The following POU6F2 variants were observed in gnomAD, a reference collection of about 807,000 sequenced individuals.
POU6F2 encodes the protein POU domain, class 6, transcription factor 2.
Under a neutral mutation model 71.3 loss-of-function variants are expected in POU6F2, and 31 were observed. The observed-to-expected ratio is 0.43, with a 90% CI of 0.33 to 0.59. The LOEUF is 0.59. Ranked by LOEUF, POU6F2 falls within the 20% of genes least tolerant of loss-of-function variation. The probability of loss-of-function intolerance (pLI) is 0.04; values close to 1 mark genes in which losing one functional copy is unlikely to be tolerated. For missense variants in POU6F2, 783 were observed against 856.8 expected, an observed-to-expected ratio of 0.91 and a Z score of 1.07; for synonymous variants, 347 against 355.7, an observed-to-expected ratio of 0.98 and a Z score of 0.27.
chr7:39,218,877 C>T (rs1417325708), intron 4 of POU6F2, among the ~76,000 whole-genome samples: 1 of 152,056 alleles, frequency 6.6e-6, no homozygotes, highest in African/African-American at 2.4e-5. Flanking sequence ...GTTAGTAATA[C>T]CTAGATCTAG....
Position 39,344,889 on chromosome 7 carries a change from T to C in POU6F2, c.972+4874T>C, listed in dbSNP as rs537725804. Among the ~76,000 whole-genome samples, 5 of 152,176 alleles carry C rather than the reference T, an allele frequency of 3.3e-5. No individual in the cohort carries two copies. In the South Asian group the frequency reaches 1.0e-3, roughly 32 times the overall value. ...CTACTGTAAATATAGAACTCAGACA[T>C]CTCTCTACCTACACAGGGCTAAATC... On this transcript the variant is annotated intron_variant, in intron 5 of 9. Coordinates refer to ENST00000518318, the MANE Select transcript of POU6F2 (RefSeq NM_001370959.1).
At position 39,322,225 on chromosome 7, in the gene POU6F2, G is replaced by A. The variant is rs184551966; in HGVS notation, c.599-17417G>A. On this transcript the variant is annotated intron_variant, in intron 4 of 9. Transcript: ENST00000518318. ...AATTGCAGATGGCCAGGAGTGGAGC[G>A]TGACCAGGGGAAGAGAAGTGAGTAA... 5.9e-5 allele frequency among the ~76,000 whole-genome samples: 9 copies of A among 152,288 alleles called. No homozygotes were observed. In the East Asian group the frequency reaches 9.7e-4, roughly 16 times the overall value.
At position 39,356,841 on chromosome 7, in the gene POU6F2, C is replaced by T. The variant is rs73386425; in HGVS notation, c.972+16826C>T. On this transcript the variant is annotated intron_variant, in intron 5 of 9. Transcript: ENST00000518318. ...CCTTTGAAATTGTTTCAACCCCATC[C>T]TTCTCTGCATTATCTTCACAGTGGG... 8.8e-3 allele frequency among the ~76,000 whole-genome samples: 1,344 copies of T among 152,276 alleles called. 14 individuals carry two copies. The highest frequency in any genetic ancestry group is 0.031 in the African/African-American group (1,283 of 41,546).
At chr7:39,238,309 G>T in intron 4 of POU6F2, among the ~76,000 whole-genome samples, 1 of 152,222 alleles carries the variant, frequency 6.6e-6, no homozygotes, top group South Asian at 2.1e-4. Context: ...CATGGTAGTT[G>T]CTTCGCCAGT....
chr7:39,267,082 G>C (rs1398783682), intron 4 of POU6F2, among the ~76,000 whole-genome samples: 1 of 152,136 alleles, frequency 6.6e-6, no homozygotes, highest in Non-Finnish European at 1.5e-5. Flanking sequence ...TATTTTGGAG[G>C]GCTCCAGGGA....
At chr7:39,129,375 G>T (rs918899819) in intron 2 of POU6F2, among the ~76,000 whole-genome samples, 7 of 152,138 alleles carry the variant, frequency 4.6e-5, no homozygotes, top group Non-Finnish European at 1.0e-4. Context: ...AAGGAAATTT[G>T]ACCTAAACTG....
chr7:39,170,812 C>T (rs1793203625), intron 2 of POU6F2, among the ~76,000 whole-genome samples: 1 of 151,950 alleles, frequency 6.6e-6, no homozygotes, highest in African/African-American at 2.4e-5. Flanking sequence ...GTGATCATTA[C>T]ACATTGTATA....
At chr7:39,372,762 T>G (rs1244895548) in intron 5 of POU6F2, among the ~76,000 whole-genome samples, 1 of 152,188 alleles carries the variant, frequency 6.6e-6, no homozygotes, top group Non-Finnish European at 1.5e-5. Context: ...ACAAACTTAG[T>G]GCTTCTCATT....
rs191548095 is a variant in POU6F2, at chr7:39,352,356, A to G, written c.972+12341A>G. Among the ~76,000 whole-genome samples the G allele has an allele frequency of 1.4e-3, 217 of 152,320 alleles. 1 individual carries two copies. The highest frequency in any genetic ancestry group is 0.012 in the Admixed American group (182 of 15,300). ...TGTCCCCACTGTCTTTCATGCAGCA[A>G]TCACAGTGCATTTGAGATTGCCTGC... On this transcript the variant is annotated intron_variant, in intron 5 of 9. Coordinates refer to ENST00000518318, the MANE Select transcript of POU6F2 (RefSeq NM_001370959.1).
In POU6F2 at chr7:39,083,254, A is replaced by C. The variant is rs146050284; in HGVS notation, c.106-2606A>C. On this transcript the variant is annotated intron_variant, in intron 1 of 9. Transcript: ENST00000518318. ...ATGTCTGTTTTATCATAAGACTGCT[A>C]TTCTCAACATAAGTTTATCATTAAC... Among the ~76,000 whole-genome samples, 1,015 of 152,304 alleles carry C rather than the reference A, an allele frequency of 6.7e-3. 11 individuals carry two copies. The highest frequency in any genetic ancestry group is 0.023 in the African/African-American group (945 of 41,562).
chr7:39,311,237 C>T (rs1243331093), intron 4 of POU6F2, among the ~76,000 whole-genome samples: 2 of 150,706 alleles, frequency 1.3e-5, no homozygotes, highest in African/African-American at 2.4e-5. Flanking sequence ...AGAGTGGTCA[C>T]ATTGGGTACA....
At chr7:39,041,600 G>A (rs551872190) in intron 1 of POU6F2, among the ~76,000 whole-genome samples, 12 of 151,722 alleles carry the variant, frequency 7.9e-5, no homozygotes, top group African/African-American at 1.5e-4. Flanking sequence ...ATGTCTTTTT[G>A]ATTTATTTAT....
intron 1 of POU6F2, among the ~76,000 whole-genome samples, chr7:39,060,474 A>C (rs1225232365): frequency 1.3e-5 from 2 of 152,242 alleles, no homozygotes; most frequent in East Asian, 1.9e-4. Flanking sequence ...AGTTAAAAGA[A>C]AAAAGTTCTC....
intron 5 of POU6F2, among the ~76,000 whole-genome samples, chr7:39,387,351 G>A (rs765310256): frequency 2.0e-5 from 3 of 152,064 alleles, no homozygotes; most frequent in East Asian, 3.9e-4. Flanking sequence ...TGTCTAATAC[G>A]TGTGCATCCT....
At chr7:39,000,007 G>T (rs17171516) in intron 1 of POU6F2, among the ~76,000 whole-genome samples, 1 of 152,116 alleles carries the variant, frequency 6.6e-6, no homozygotes, top group Non-Finnish European at 1.5e-5. Flanking sequence ...CATAATGAGA[G>T]ATTTTTTAGA....
intron 2 of POU6F2, chr7:39,120,705 T>A (rs1373829460): frequency 1.3e-5 from 2 of 152,244 alleles, no homozygotes; most frequent in Non-Finnish European, 2.9e-5. Context: ...TAAAATGAAA[T>A]AAAATACAAT....
At chr7:39,331,963 C>T (rs931943252) in intron 4 of POU6F2, among the ~76,000 whole-genome samples, 1 of 152,128 alleles carries the variant, frequency 6.6e-6, no homozygotes, top group African/African-American at 2.4e-5. Context: ...TCTTATTGCC[C>T]TTCCTTTTGA....
intron 2 of POU6F2, among the ~76,000 whole-genome samples, chr7:39,106,279 T>C (rs1480947204): frequency 6.6e-6 from 1 of 152,230 alleles, no homozygotes; most frequent in Non-Finnish European, 1.5e-5. Context: ...GATACCATTA[T>C]GACCATTGTT....
intron 2 of POU6F2, among the ~76,000 whole-genome samples, chr7:39,175,422 G>T (rs887997844): frequency 6.6e-6 from 1 of 152,090 alleles, no homozygotes; most frequent in Non-Finnish European, 1.5e-5. Context: ...TAGTAATTAT[G>T]CCACAACAAT....
Sources: allele counts gnomAD v4.1 joint callset (sites outside exome capture counted in the v4.1 genomes callset), GRCh38; gene constraint gnomAD v4.1.1; transcripts MANE v1.5; gene names NCBI Gene and HGNC (gene_info 2026-07-23, HGNC 2026-07-21).